Variants in SRCIN1 observed in about 807,000 individuals in gnomAD.
SRCIN1 encodes SRC kinase signaling inhibitor 1.
SRCIN1 carries 50 observed loss-of-function variants against 116.2 expected under a neutral mutation model. The ratio of observed to expected loss-of-function variants is 0.43; its 90% CI spans 0.34 to 0.54. The LOEUF (loss-of-function observed/expected upper bound fraction) is 0.54, where lower values mean the gene tolerates loss of function less well. Among genes scored for constraint, SRCIN1 ranks in the 20% least tolerant of loss-of-function variants. The pLI is 0.02. For missense variants in SRCIN1, 1,446 were observed against 1,672.0 expected (o/e 0.86, Z 2.36); for synonymous variants, 736 against 750.0 (o/e 0.98, Z 0.30).
chr17:38,595,751 C>T (rs775773191), intron 1 of SRCIN1, among the ~76,000 whole-genome samples: 1 of 152,198 alleles, frequency 6.6e-6, no homozygotes, highest in Non-Finnish European at 1.5e-5. Flanking sequence ...ATTCCCGCCT[C>T]TTCTCTTCAC....
At chr17:38,564,834 G>A (rs530834239) in intron 3 of SRCIN1, among the ~76,000 whole-genome samples, 22 of 152,016 alleles carry the variant, frequency 1.4e-4, no homozygotes, top group South Asian at 4.2e-4. Context: ...GAGGGGATGC[G>A]GACCCTGACA....
chr17:38,551,835 G>T (rs1313534492), intron 14 of SRCIN1, 51 bp downstream of exon 14: 1 of 1,609,576 alleles, frequency 6.2e-7, no homozygotes, highest in Non-Finnish European at 8.5e-7. Flanking sequence ...ATGGTCGTAA[G>T]AATGTGTGAA....
chr17:38,555,530 T>C (rs754205495), intron 11 of SRCIN1, among the ~76,000 whole-genome samples: 2 of 152,228 alleles, frequency 1.3e-5, no homozygotes, highest in African/African-American at 4.8e-5. Context: ...GGAGCTTATT[T>C]GTTATAGGAA....
chr17:38,558,084 A>T lies in SRCIN1; in HGVS notation c.2201+143T>A. Reference sequence around the variant, plus strand: ...TTGTGGGTCACAGTGAAATCAGGCCAGAGGAGAATGAAATCAGGCTTCAGA... The same window carrying T: ...TTGTGGGTCACAGTGAAATCAGGCCTGAGGAGAATGAAATCAGGCTTCAGA... On this transcript the variant is annotated intron_variant, in intron 11 of 18. Coordinates refer to ENST00000617146, the MANE Select transcript of SRCIN1 (RefSeq NM_025248.3). This position sits in a 1 kb window ranked among gnomAD's most constrained non-coding sequence, Gnocchi z 4.6. The T allele has an allele frequency of 1.1e-6, 1 of 903,872 alleles. No individual in the cohort carries two copies. 56.0% of individuals were successfully genotyped at this position (903,872 alleles called of 1,614,324 possible).
rs1183623908 is a variant in SRCIN1, at chr17:38,532,016, G to C, written c.*1281C>G. On this transcript the variant is annotated 3_prime_UTR_variant, in exon 19 of 19. Coordinates refer to ENST00000617146, the MANE Select transcript of SRCIN1 (RefSeq NM_025248.3). The surrounding 1 kb of genome is among the most constrained non-coding windows in gnomAD (Gnocchi z 4.3). ...GGGCCAGGAGTGAGAACCAAAATTG[G>C]CCTCTCTCTGCCTCCCCAGGACCCG... The C allele has an allele frequency of 2.0e-5, 3 of 152,376 alleles. No homozygotes were observed. The highest frequency in any genetic ancestry group is 4.4e-5 in the Non-Finnish European group (3 of 68,080). The allele number at this position is 152,376 out of a possible 1,614,324, so 9.4% of individuals were successfully genotyped here. A position where few individuals can be genotyped will look rare whatever the true frequency, so the allele number is the denominator to read the frequency against.
At chr17:38,574,201 A>G (rs972224920) in intron 2 of SRCIN1, among the ~76,000 whole-genome samples, 6 of 152,114 alleles carry the variant, frequency 3.9e-5, no homozygotes, top group African/African-American at 1.2e-4. Flanking sequence ...TCTGATGCCT[A>G]TTTTGGGCCT....
chr17:38,581,466 C>CTT (rs55779119), intron 1 of SRCIN1, among the ~76,000 whole-genome samples: 2,334 of 134,630 alleles, frequency 0.017, 63 homozygotes, highest in African/African-American at 0.057. Context: ...ACACCCAGGT[C>CTT]TTTTTTTTTT....
chr17:38,536,121 G>A (rs891964594), intron 18 of SRCIN1, among the ~76,000 whole-genome samples: 2 of 152,158 alleles, frequency 1.3e-5, no homozygotes, highest in African/African-American at 4.8e-5. Context: ...GGGATGCCTC[G>A]TCCCCGTCCC....
intron 1 of SRCIN1, among the ~76,000 whole-genome samples, chr17:38,581,211 C>G: frequency 6.6e-6 from 1 of 151,982 alleles, no homozygotes; most frequent in Non-Finnish European, 1.5e-5. Context: ...TCGAGACCAG[C>G]CTGACCAACA....
rs549162451 is a variant in SRCIN1, at chr17:38,548,606, G to A, written c.3221C>T (p.Ser1074Leu). 1.1e-5 allele frequency: 17 copies of A among 1,613,054 alleles called. No homozygotes were observed. In the East Asian group the frequency reaches 2.5e-4, roughly 23 times the overall value. Residue 1074 changes from serine (S) to leucine (L), a missense_variant, in exon 17 of 19, where the codon TCG (serine) becomes TTG (leucine). Ser to Leu is a moderately radical substitution (Grantham distance 145, BLOSUM62 -2). This residue lies in a region of SRCIN1 where 531 missense variants were observed against 633.9 expected (regional missense o/e 0.84). Coordinates refer to ENST00000617146, the MANE Select transcript of SRCIN1 (RefSeq NM_025248.3). Reference protein sequence around the residue: ...RPASTPPIMASAIKDEDDEDR... With the variant: ...RPASTPPIMALAIKDEDDEDR... Reference sequence around the variant, plus strand: ...CTCGTCATCCTCGTCCTTGATGGCCGAGGCCATGATGGGTGGTGTGGAGGC... The same window carrying A: ...CTCGTCATCCTCGTCCTTGATGGCCAAGGCCATGATGGGTGGTGTGGAGGC...
intron 1 of SRCIN1, among the ~76,000 whole-genome samples, chr17:38,601,886 G>A (rs994582744): frequency 6.6e-6 from 1 of 152,116 alleles, no homozygotes; most frequent in Non-Finnish European, 1.5e-5. Flanking sequence ...TCAGAGGGAG[G>A]AAGGGGGAGG....
intron 10 of SRCIN1, 62 bp downstream of exon 10, chr17:38,559,523 C>A: frequency 1.3e-6 from 2 of 1,538,344 alleles, no homozygotes; most frequent in Non-Finnish European, 1.8e-6. Context: ...GCGGGACTTG[C>A]GGCAAGGGAC....
intron 1 of SRCIN1, 112 bp downstream of exon 1, chr17:38,605,572 G>A (rs1287996497): frequency 3.7e-6 from 3 of 820,872 alleles, no homozygotes; most frequent in Non-Finnish European, 5.1e-6. Flanking sequence ...CCGCCTCCCC[G>A]GCCCGGCCGC....
At position 38,572,213 on chromosome 17, in the gene SRCIN1, T is replaced by C. The variant is rs1019817893; in HGVS notation, c.325-3982A>G. Among the ~76,000 whole-genome samples, 5 of 152,054 alleles carry C rather than the reference T, an allele frequency of 3.3e-5. No individual in the cohort carries two copies. The highest frequency in any genetic ancestry group is 9.7e-5 in the African/African-American group (4 of 41,404). Reference sequence around the variant, plus strand: ...ACCTCTCAACTCCCATGAACACGAGTCAGCGTAAACACTCGTCCCCCGGGC... The same window carrying C: ...ACCTCTCAACTCCCATGAACACGAGCCAGCGTAAACACTCGTCCCCCGGGC... On this transcript the variant is annotated intron_variant, in intron 2 of 18. Coordinates refer to ENST00000617146, the MANE Select transcript of SRCIN1 (RefSeq NM_025248.3). This position sits in a 1 kb window ranked among gnomAD's most constrained non-coding sequence, Gnocchi z 4.3.
At position 38,550,886 on chromosome 17, in the gene SRCIN1, C is replaced by T. The variant is rs147697930; in HGVS notation, c.2962+269G>A. Among the ~76,000 whole-genome samples, 360 of 152,364 alleles carry T rather than the reference C, an allele frequency of 2.4e-3. 2 individuals carry two copies. The highest frequency in any genetic ancestry group is 8.2e-3 in the African/African-American group (340 of 41,586). On this transcript the variant is annotated intron_variant, in intron 15 of 18. Transcript: ENST00000617146. ...CATGTGCCCAGCCAAGCCGTGGAGGCGGATGACTCTGCCTGGACTTGCTCC... is the reference window on the plus strand; with the variant it reads ...CATGTGCCCAGCCAAGCCGTGGAGGTGGATGACTCTGCCTGGACTTGCTCC...
At chr17:38,574,373 T>C (rs1301764075) in intron 2 of SRCIN1, among the ~76,000 whole-genome samples, 1 of 152,196 alleles carries the variant, frequency 6.6e-6, no homozygotes, top group Non-Finnish European at 1.5e-5. Context: ...AATAGATGGC[T>C]TGATGCCCAA....
intron 15 of SRCIN1, among the ~76,000 whole-genome samples, 188 bp from the exon 16 acceptor site, chr17:38,549,398 C>T (rs1905256760): frequency 6.6e-6 from 1 of 152,192 alleles, no homozygotes; most frequent in Admixed American, 6.5e-5. Context: ...AGCCCCAAGC[C>T]CTGTCCCTCT....
intron 1 of SRCIN1, among the ~76,000 whole-genome samples, chr17:38,603,238 A>C (rs1316555674): frequency 2.0e-5 from 3 of 151,986 alleles, no homozygotes; most frequent in East Asian, 1.9e-4. Flanking sequence ...AGAGAGAGAG[A>C]GCGCGAGAGT....
At chr17:38,561,259 G>T (rs914320371) in intron 7 of SRCIN1, among the ~76,000 whole-genome samples, 5 of 152,232 alleles carry the variant, frequency 3.3e-5, no homozygotes, top group Non-Finnish European at 5.9e-5. Context: ...CTTGCGGATG[G>T]GAGGAAAATG....
Sources: gnomAD v4.1 joint callset for allele counts (sites outside exome capture counted in the v4.1 genomes callset) on GRCh38, gnomAD v4.1.1 for gene constraint, gnomAD v4.1.1 regional missense constraint, Gnocchi (gnomAD v3.1) non-coding constraint, MANE v1.5 for transcripts, NCBI Gene and HGNC (gene_info 2026-07-23, HGNC 2026-07-21) for gene names.